DOK7: variants seen among roughly 807,000 people sequenced by gnomAD.
The protein encoded by DOK7 is protein Dok-7.
DOK7 carries 32 observed loss-of-function variants against 30.7 expected under a neutral mutation model. That is an observed-to-expected ratio of 1.04 (90% CI 0.79 to 1.40). DOK7 has a LOEUF of 1.40. Ranked by LOEUF, DOK7 falls within the 40% of genes most tolerant of loss-of-function variation. DOK7 has a pLI of 0.00. For synonymous variants in DOK7, 447 were observed against 324.1 expected (o/e 1.38, Z -4.07); for missense variants, 1,007 against 699.2 (o/e 1.44, Z -4.97).
At position 3,463,592 on chromosome 4, in the gene DOK7, G is replaced by A. The variant is rs749346990; in HGVS notation, c.100+41G>A. On this transcript the variant is annotated intron_variant, in intron 2 of 6. Coordinates refer to ENST00000340083, the MANE Select transcript of DOK7 (RefSeq NM_173660.5). The stretch of plus-strand genomic sequence containing the variant: ...GGGGGACGGGGGGCGCGGGGGTAGC[G>A]ACACGGGTTACCGAGGCCCGGGGCA... 8 of 1,522,186 alleles carry A rather than the reference G, an allele frequency of 5.3e-6. No individual in the cohort carries two copies. In the South Asian group the frequency reaches 6.0e-5, roughly 11 times the overall value. 94.3% of individuals were successfully genotyped at this position (1,522,186 alleles called of 1,614,324 possible).
chr4:3,484,535 C>G, intron 4 of DOK7: 1 of 985,508 alleles, frequency 1.0e-6, no homozygotes, highest in Non-Finnish European at 1.2e-6. Flanking sequence ...GCAGCCAGCC[C>G]AGTGGCCCAT....
At chr4:3,469,587 C>T (rs1054491227) in intron 2 of DOK7, among the ~76,000 whole-genome samples, 3 of 152,088 alleles carry the variant, frequency 2.0e-5, no homozygotes, top group Admixed American at 6.5e-5. Flanking sequence ...GCCTGGCGCC[C>T]GGGGAGCTGG....
chr4:3,483,654 G>GT (rs919403824), intron 4 of DOK7, among the ~76,000 whole-genome samples: 33 of 152,334 alleles, frequency 2.2e-4, no homozygotes, highest in African/African-American at 7.0e-4. Flanking sequence ...CCGTAATGTG[G>GT]TTTTTTATAG....
intron 2 of DOK7, among the ~76,000 whole-genome samples, chr4:3,466,564 C>T (rs1424991910): frequency 3.3e-5 from 5 of 152,190 alleles, no homozygotes; most frequent in South Asian, 4.1e-4. Flanking sequence ...GAAGACCGGG[C>T]GTGGGTGGTG....
In DOK7 at chr4:3,476,465, G is replaced by A. The variant is rs150376433; in HGVS notation, c.455G>A (p.Trp152Ter). 1.2e-6 allele frequency: 2 copies of A among 1,613,824 alleles called. No homozygotes were observed. The highest frequency in any genetic ancestry group is 2.2e-5 in the East Asian group (1 of 44,886). ...ATCCCCCCGGCTGTCACGGGGCAGT[G>A]GAAGCTGTCTGACCTCCGGCGCTAC... ...RDIPPAVTGQ[W>*]KLSDLRRYGA... Residue 152 changes from tryptophan (W) to a stop codon, truncating the protein, a stop_gained, in exon 4 of 7, where the codon TGG (tryptophan) becomes TAG (stop). Transcript: ENST00000340083. LOFTEE classifies it high-confidence loss of function.
intron 3 of DOK7, among the ~76,000 whole-genome samples, chr4:3,473,901 C>A (rs1726920299): frequency 6.6e-6 from 1 of 152,166 alleles, no homozygotes; most frequent in Admixed American, 6.5e-5. Context: ...AAGCTGGTGG[C>A]CTTTGGAGGG....
In DOK7 at chr4:3,493,295, C is replaced by A; in HGVS notation, c.1309C>A (p.Gln437Lys). ...CAGTGCGGCCAGGGACTCAGGCGGC[C>A]AGACGTCCGCCGGGTGTCCCTCTGG... Reference protein sequence around the residue: ...GNSAARDSGGQTSAGCPSGWL... With the variant: ...GNSAARDSGGKTSAGCPSGWL... Residue 437 changes from glutamine (Q) to lysine (K), a missense_variant, in exon 7 of 7, where the codon CAG becomes AAG. Gln to Lys is a moderately conservative substitution (Grantham distance 53). Transcript: ENST00000340083. The A allele has an allele frequency of 6.2e-7, 1 of 1,607,842 alleles. No individual in the cohort carries two copies. Among genetic ancestry groups the A allele is most frequent in the Non-Finnish European group, 8.5e-7 (1 of 1,177,704 alleles).
At chr4:3,485,840 G>A (rs1242330737) in intron 5 of DOK7, among the ~76,000 whole-genome samples, 182 bp downstream of exon 5, 3 of 152,266 alleles carry the variant, frequency 2.0e-5, no homozygotes, top group Non-Finnish European at 4.4e-5. Context: ...GCCCTGCTGA[G>A]GGATTCAGAG....
At chr4:3,483,702 C>A (rs994645324) in intron 4 of DOK7, among the ~76,000 whole-genome samples, 23 of 152,228 alleles carry the variant, frequency 1.5e-4, no homozygotes, top group Non-Finnish European at 2.5e-4. Flanking sequence ...TGCCAGCTGT[C>A]TGTAAGCTCA....
At chr4:3,494,629 C>A, downstream of DOK7, 1 of 772,956 alleles carries the variant, frequency 1.3e-6, no homozygotes, top group Non-Finnish European at 1.6e-6. Flanking sequence ...TCTTGTGAGC[C>A]TTGGGCCTGA....
At chr4:3,479,862 G>A (rs1577157632) in intron 4 of DOK7, among the ~76,000 whole-genome samples, 2 of 152,356 alleles carry the variant, frequency 1.3e-5, no homozygotes, top group East Asian at 3.9e-4. Context: ...CCCCGTCTCT[G>A]TTGGTCACGG....
In DOK7 at chr4:3,476,432, C is replaced by A; in HGVS notation, c.422C>A (p.Ala141Asp). ...LHLCNDVLVL[A>D]RDIPPAVTGQ... ...CTCTGCAATGATGTCCTCGTCTTGG[C>A]CAGGGACATCCCCCCGGCTGTCACG... The change falls in exon 4 of 7, where the codon GCC becomes GAC. Residue 141 changes from alanine to aspartate, a missense_variant. By Grantham distance (126) the Ala-to-Asp change is moderately radical. Transcript: ENST00000340083. 1 of 1,613,644 alleles carries A rather than the reference C, an allele frequency of 6.2e-7. No homozygotes were observed. Among genetic ancestry groups the A allele is most frequent in the Admixed American group, 1.7e-5 (1 of 60,028 alleles).
downstream of DOK7, among the ~76,000 whole-genome samples, chr4:3,495,574 C>T (rs527906952): frequency 1.9e-3 from 288 of 152,368 alleles, 1 homozygote; most frequent in African/African-American, 6.6e-3. Flanking sequence ...TTCCGGCCAC[C>T]GCCTGCTACG....
intron 3 of DOK7, among the ~76,000 whole-genome samples, chr4:3,474,914 A>C (rs1192814745): frequency 1.3e-5 from 2 of 152,218 alleles, no homozygotes; most frequent in Non-Finnish European, 2.9e-5. Flanking sequence ...CCTGTCTCAA[A>C]AAAACAAACA....
chr4:3,467,779 T>G (rs1341745989), intron 2 of DOK7, among the ~76,000 whole-genome samples: 1 of 151,856 alleles, frequency 6.6e-6, no homozygotes, highest in East Asian at 1.9e-4. Flanking sequence ...GGGCTGGAGG[T>G]CCAAGATCAA....
intron 6 of DOK7, among the ~76,000 whole-genome samples, chr4:3,491,330 ATTCCTTCCTTCTTCGCCTGCTTG>A (rs1728413143): frequency 8.4e-5 from 4 of 47,894 alleles, no homozygotes; most frequent in Admixed American, 3.4e-4. Context: ...CTGCTCATTC[ATTCCTTCCTTCTTCGCCTGCTTG>A]TTCCTTCCTT....
At chr4:3,484,477 C>CT in intron 4 of DOK7, 1 of 984,536 alleles carries the variant, frequency 1.0e-6, no homozygotes, top group Non-Finnish European at 1.2e-6. Flanking sequence ...GGCCCCGGAG[C>CT]GGGCGGGATT....
chr4:3,497,084 C>G (rs1277512667), downstream of DOK7, among the ~76,000 whole-genome samples: 1 of 148,792 alleles, frequency 6.7e-6, no homozygotes, highest in Non-Finnish European at 1.5e-5. Flanking sequence ...TGCTGGGTGG[C>G]AGTGGGCAGT....
intron 2 of DOK7, among the ~76,000 whole-genome samples, chr4:3,469,614 C>T (rs369432367): frequency 6.6e-6 from 1 of 152,118 alleles, no homozygotes; most frequent in African/African-American, 2.4e-5. Context: ...GCCATCCACT[C>T]CTGAGTCCCC....
Sources: allele counts gnomAD v4.1 joint callset (sites outside exome capture counted in the v4.1 genomes callset), GRCh38; gene constraint gnomAD v4.1.1; transcripts MANE v1.5; gene names NCBI Gene and HGNC (gene_info 2026-07-23, HGNC 2026-07-21).